GSE1: variants seen among roughly 807,000 people sequenced by gnomAD.
GSE1 encodes the protein Gse1 coiled-coil protein.
Under a neutral mutation model 112.6 loss-of-function variants are expected in GSE1, and 32 were observed. The observed-to-expected ratio is 0.28, with a 90% CI of 0.21 to 0.38. The LOEUF is 0.38. GSE1 is among the 10% of genes least tolerant of loss of function. GSE1 has a pLI of 1.00. For synonymous variants in GSE1, 1,115 were observed against 735.6 expected (o/e 1.52, Z -8.35); for missense variants, 2,348 against 1,699.2 (o/e 1.38, Z -6.71).
chr16:85,264,460 T>A (rs867632049), intron 1 of GSE1, among the ~76,000 whole-genome samples: 2 of 152,024 alleles, frequency 1.3e-5, no homozygotes, highest in African/African-American at 4.8e-5. Context: ...AGTCTTGATT[T>A]CACATTGATT....
intron 1 of GSE1, among the ~76,000 whole-genome samples, chr16:85,277,249 C>G (rs1360341048): frequency 6.6e-6 from 1 of 152,128 alleles, no homozygotes; most frequent in African/African-American, 2.4e-5. Flanking sequence ...AGGAGATTTC[C>G]TTCTGGGGTT....
intron 8 of GSE1, among the ~76,000 whole-genome samples, chr16:85,658,461 T>C (rs1236473466): frequency 6.6e-6 from 1 of 152,236 alleles, no homozygotes; most frequent in Non-Finnish European, 1.5e-5. Context: ...AAGGCTGTGA[T>C]GCTGTCCTGG....
intron 1 of GSE1, among the ~76,000 whole-genome samples, chr16:85,618,695 C>G (rs560617704): frequency 6.6e-6 from 1 of 152,264 alleles, no homozygotes; most frequent in East Asian, 1.9e-4. Flanking sequence ...TCTTGCTCTG[C>G]TGCCTAGGCT....
At chr16:85,640,227 A>C (rs1300693413) in intron 2 of GSE1, among the ~76,000 whole-genome samples, 1 of 151,450 alleles carries the variant, frequency 6.6e-6, no homozygotes, top group East Asian at 2.0e-4. Context: ...GCCGGGACTC[A>C]TGGCTTCCCT....
intron 1 of GSE1, among the ~76,000 whole-genome samples, chr16:85,231,546 TAGAC>T (rs1597857269): frequency 6.6e-6 from 1 of 152,100 alleles, no homozygotes; most frequent in African/African-American, 2.4e-5. Flanking sequence ...TTAGACAAAA[TAGAC>T]AGGTGGAAGT....
At chr16:85,441,119 T>C (rs2049365723) in intron 2 of GSE1, among the ~76,000 whole-genome samples, 1 of 152,088 alleles carries the variant, frequency 6.6e-6, no homozygotes, top group African/African-American at 2.4e-5. Flanking sequence ...GGCTGCGGGA[T>C]GGGGATAGGC....
intron 1 of GSE1, among the ~76,000 whole-genome samples, chr16:85,596,802 A>G (rs1163052290): frequency 6.6e-6 from 1 of 152,028 alleles, no homozygotes; most frequent in East Asian, 1.9e-4. Flanking sequence ...TTGGGAGGCC[A>G]AGGCGGGCAG....
chr16:85,410,363 C>T (rs1174208397), intron 2 of GSE1, among the ~76,000 whole-genome samples: 1 of 55,778 alleles, frequency 1.8e-5, no homozygotes, highest in East Asian at 5.9e-4. Context: ...ACACTCAGGG[C>T]CCCCCGGATA....
exon 1 of GSE1, chr16:85,170,222 CGGA>C: frequency 1.0e-6 from 1 of 985,366 alleles, no homozygotes; most frequent in Non-Finnish European, 1.2e-6. Context: ...CAGGGGCGCG[CGGA>C]GGAGGAGGGG....
chr16:85,616,222 A>G (rs983756006), intron 1 of GSE1, among the ~76,000 whole-genome samples: 1 of 152,168 alleles, frequency 6.6e-6, no homozygotes, highest in Non-Finnish European at 1.5e-5. Context: ...TGGAGCAGGT[A>G]CTGTCTGTCC....
chr16:85,521,325 G>A (rs911470143), intron 2 of GSE1, among the ~76,000 whole-genome samples: 1 of 152,222 alleles, frequency 6.6e-6, no homozygotes, highest in African/African-American at 2.4e-5. Flanking sequence ...CACCTTTGTA[G>A]AGGAGGAACT....
In GSE1 at chr16:85,501,003, T is replaced by TTTTTTTTTTTTTTTTTTTTTG. The variant is rs2051345102; in HGVS notation, c.2465-132910_2465-132890dup. Among the ~76,000 whole-genome samples the TTTTTTTTTTTTTTTTTTTTTG allele has an allele frequency of 1.6e-5, 2 of 128,626 alleles. 1 individual carries two copies. The highest frequency in any genetic ancestry group is 6.5e-5 in the African/African-American group (2 of 30,912). 84.4% of individuals were successfully genotyped at this position (128,626 alleles called of 152,430 possible). A position where few individuals can be genotyped will look rare whatever the true frequency, so the allele number is the denominator to read the frequency against. On this transcript the variant is annotated intron_variant, in intron 2 of 2. Coordinates refer to the GSE1 transcript ENST00000637419. The stretch of plus-strand genomic sequence containing the variant: ...ACTCCAGTATGGCCTGTTCTGTTTT[T>TTTTTTTTTTTTTTTTTTTTTG]TTTTTTTTTTTTTTTTTTTTGAGAC...
intron 1 of GSE1, among the ~76,000 whole-genome samples, chr16:85,564,254 G>A (rs2045644339): frequency 1.3e-5 from 2 of 152,188 alleles, no homozygotes; most frequent in African/African-American, 2.4e-5. Context: ...GAGGCTGGGA[G>A]GAAGGAGGCT....
chr16:85,460,685 G>A (rs1023356471), intron 2 of GSE1, among the ~76,000 whole-genome samples: 5 of 152,222 alleles, frequency 3.3e-5, no homozygotes, highest in South Asian at 2.1e-4. Context: ...TTGAAGAGAC[G>A]GGGGCTGTGG....
intron 2 of GSE1, among the ~76,000 whole-genome samples, chr16:85,367,805 A>G (rs1023728967): frequency 2.0e-5 from 3 of 150,838 alleles, no homozygotes; most frequent in African/African-American, 4.9e-5. Flanking sequence ...GCTGGGAGAC[A>G]TGACCAGGGG....
intron 1 of GSE1, among the ~76,000 whole-genome samples, chr16:85,628,818 A>G (rs996257495): frequency 8.5e-5 from 13 of 152,308 alleles, no homozygotes; most frequent in Middle Eastern, 3.4e-3. Context: ...AGTAGCCTCA[A>G]GGTGTGTGCG....
At chr16:85,642,455 CAG>C (rs2050520933) in intron 2 of GSE1, among the ~76,000 whole-genome samples, 1 of 149,090 alleles carries the variant, frequency 6.7e-6, no homozygotes. Context: ...TGGTTGAAAG[CAG>C]GGGGCAAAGT....
intron 1 of GSE1, among the ~76,000 whole-genome samples, chr16:85,264,729 T>G (rs1908058913): frequency 6.6e-6 from 1 of 152,044 alleles, no homozygotes. Context: ...GGTGTCCCAG[T>G]GTGTGTAGAG....
At chr16:85,493,799 A>AC (rs1400419800) in intron 2 of GSE1, among the ~76,000 whole-genome samples, 2 of 151,880 alleles carry the variant, frequency 1.3e-5, no homozygotes, top group African/African-American at 4.8e-5. Context: ...TCAAAAAAAA[A>AC]AAAAAAAAAA....
Sources: gnomAD v4.1 joint callset for allele counts (sites outside exome capture counted in the v4.1 genomes callset) on GRCh38, gnomAD v4.1.1 for gene constraint, MANE v1.5 for transcripts, NCBI Gene and HGNC (gene_info 2026-07-23, HGNC 2026-07-21) for gene names.